The following ZNF804A variants were observed in gnomAD, a reference collection of about 807,000 sequenced individuals.
ZNF804A encodes zinc finger protein 804A.
A neutral mutation model predicts 16.5 loss-of-function variants in ZNF804A; 2 were observed. The ratio of observed to expected loss-of-function variants is 0.12; its 90% CI spans 0.05 to 0.38. The LOEUF is 0.38. Among genes scored for constraint, ZNF804A ranks in the 10% least tolerant of loss-of-function variants. ZNF804A has a pLI of 0.99. For missense variants in ZNF804A, 1,473 were observed against 1,390.7 expected, an observed-to-expected ratio of 1.06 and a Z score of -0.94; for synonymous variants, 534 against 489.6, an observed-to-expected ratio of 1.09 and a Z score of -1.20.
At chr2:184,902,963 T>C (rs1001873149) in intron 2 of ZNF804A, among the ~76,000 whole-genome samples, 8 of 152,172 alleles carry the variant, frequency 5.3e-5, no homozygotes, top group African/African-American at 1.9e-4. Context: ...AAAAAGACTA[T>C]ACCTTAGGTG....
In ZNF804A at chr2:184,862,172, T is replaced by A. The variant is rs566840489; in HGVS notation, c.112-4197T>A. The stretch of plus-strand genomic sequence containing the variant: ...GCTCCTTTTTCATCTCACTCAAATG[T>A]ATCTCTTACTTTCTGCAGTGGGATG... On this transcript the variant is annotated intron_variant, in intron 1 of 3. Coordinates refer to ENST00000302277, the MANE Select transcript of ZNF804A (RefSeq NM_194250.2). Among the ~76,000 whole-genome samples, 6 of 152,288 alleles carry A rather than the reference T, an allele frequency of 3.9e-5. No individual in the cohort carries two copies. In the South Asian group the frequency reaches 1.2e-3, roughly 32 times the overall value.
At position 184,936,599 on chromosome 2, in the gene ZNF804A, T is replaced by G. The variant is rs1317121848; in HGVS notation, c.1203T>G (p.Pro401=). ...AAAATGGTCCCGAGACATTGGCCCC[T>G]TCAAATACTGAAGAGGTTAACATAA... ...ENKNGPETLA[P]SNTEEVNITI... is the part of the protein sequence containing the mutation. Residue 401 remains proline (P), a synonymous_variant, in exon 4 of 4, where the codon CCT becomes CCG. Coordinates refer to ENST00000302277, the MANE Select transcript of ZNF804A (RefSeq NM_194250.2). 1 of 1,614,052 alleles carries G rather than the reference T, an allele frequency of 6.2e-7. No individual in the cohort carries two copies. Among genetic ancestry groups the G allele is most frequent in the South Asian group, 1.1e-5 (1 of 91,084 alleles).
At chr2:184,665,694 G>C (rs1692244832) in intron 1 of ZNF804A, among the ~76,000 whole-genome samples, 1 of 152,138 alleles carries the variant, frequency 6.6e-6, no homozygotes, top group African/African-American at 2.4e-5. Context: ...TTAGTTTGTT[G>C]GCTGAATGCA....
At chr2:184,728,764 A>T (rs1693464135) in intron 1 of ZNF804A, among the ~76,000 whole-genome samples, 1 of 151,962 alleles carries the variant, frequency 6.6e-6, no homozygotes, top group Admixed American at 6.6e-5. Context: ...TTAAGAAAAA[A>T]AATAATAACA....
chr2:184,646,595 A>T (rs1691878599), intron 1 of ZNF804A, among the ~76,000 whole-genome samples: 2 of 152,178 alleles, frequency 1.3e-5, no homozygotes, highest in Admixed American at 1.3e-4. Context: ...CTGCTCACTT[A>T]GATCAGCAGC....
rs10182733 is a variant in ZNF804A at position 184,694,761 on chromosome 2, T to A, written c.111+95691T>A. ...TCTAAAATAATATTCATTTATTTCC[T>A]GAAATTCAGATTAATCTCAGAGTTC... On this transcript the variant is annotated intron_variant, in intron 1 of 3. Coordinates refer to ENST00000302277, the MANE Select transcript of ZNF804A (RefSeq NM_194250.2). Among the ~76,000 whole-genome samples the A allele has an allele frequency of 2.7e-3, 410 of 152,322 alleles. 2 individuals carry two copies. The highest frequency in any genetic ancestry group is 8.4e-3 in the African/African-American group (350 of 41,576).
chr2:184,674,895 G>A (rs2105714951), intron 1 of ZNF804A, among the ~76,000 whole-genome samples: 2 of 151,850 alleles, frequency 1.3e-5, no homozygotes, highest in South Asian at 4.2e-4. Context: ...AAAAGAAACA[G>A]TCTTATAAAT....
intron 1 of ZNF804A, among the ~76,000 whole-genome samples, chr2:184,768,895 C>T (rs1176126961): frequency 6.6e-6 from 1 of 151,748 alleles, no homozygotes; most frequent in Admixed American, 6.6e-5. Flanking sequence ...ATAAATGTAC[C>T]CTTTAGTCGA....
At chr2:184,676,795 G>C (rs1401707006) in intron 1 of ZNF804A, among the ~76,000 whole-genome samples, 1 of 151,756 alleles carries the variant, frequency 6.6e-6, no homozygotes, top group Non-Finnish European at 1.5e-5. Flanking sequence ...CCACACTGTA[G>C]TGTTCTATGA....
chr2:184,626,181 AT>A, intron 1 of ZNF804A, among the ~76,000 whole-genome samples: 1 of 152,124 alleles, frequency 6.6e-6, no homozygotes, highest in East Asian at 1.9e-4. Flanking sequence ...ATTTCTTAAT[AT>A]ATAATACTTC....
At chr2:184,675,045 T>G (rs1692399251) in intron 1 of ZNF804A, among the ~76,000 whole-genome samples, 1 of 151,810 alleles carries the variant, frequency 6.6e-6, no homozygotes, top group African/African-American at 2.4e-5. Context: ...TGCGTGAACA[T>G]GGCTGTACAT....
At chr2:184,706,730 G>T (rs1169196797) in intron 1 of ZNF804A, among the ~76,000 whole-genome samples, 1 of 152,106 alleles carries the variant, frequency 6.6e-6, no homozygotes, top group Non-Finnish European at 1.5e-5. Flanking sequence ...TAATAGTTTT[G>T]ATTGCACTCT....
At chr2:184,674,647 G>A (rs968492969) in intron 1 of ZNF804A, among the ~76,000 whole-genome samples, 6 of 151,770 alleles carry the variant, frequency 4.0e-5, no homozygotes, top group Admixed American at 2.0e-4. Context: ...AAAACAGTAG[G>A]ATGGGATGGG....
intron 1 of ZNF804A, among the ~76,000 whole-genome samples, chr2:184,676,441 A>G (rs1692437638): frequency 6.6e-6 from 1 of 151,768 alleles, no homozygotes; most frequent in Non-Finnish European, 1.5e-5. Flanking sequence ...AGTTTAACAT[A>G]TTATCAAGGT....
At chr2:184,644,352 G>T (rs935570273) in intron 1 of ZNF804A, among the ~76,000 whole-genome samples, 1 of 151,582 alleles carries the variant, frequency 6.6e-6, no homozygotes, top group African/African-American at 2.4e-5. Flanking sequence ...AACAATATTT[G>T]TGTGGCTATT....
intron 1 of ZNF804A, among the ~76,000 whole-genome samples, chr2:184,672,214 C>A (rs1416161756): frequency 1.3e-5 from 2 of 152,164 alleles, no homozygotes; most frequent in Non-Finnish European, 2.9e-5. Context: ...TTTGTACTAT[C>A]TTTGCTTATT....
At chr2:184,763,708 T>A (rs1694075706) in intron 1 of ZNF804A, among the ~76,000 whole-genome samples, 1 of 146,240 alleles carries the variant, frequency 6.8e-6, no homozygotes, top group South Asian at 2.3e-4. Context: ...AGTGGCATGA[T>A]CTTGGCTCAC....
intron 1 of ZNF804A, among the ~76,000 whole-genome samples, chr2:184,828,536 A>G (rs1463062439): frequency 1.3e-5 from 2 of 151,576 alleles, no homozygotes; most frequent in Non-Finnish European, 3.0e-5. Flanking sequence ...AAAAAAGATT[A>G]TATACCTTCC....
Position 184,936,528 on chromosome 2 carries a change from G to A in ZNF804A, c.1132G>A (p.Glu378Lys), listed in dbSNP as rs767783310. The A allele has an allele frequency of 5.6e-6, 9 of 1,613,806 alleles. No homozygotes were observed. In the East Asian group the frequency reaches 1.6e-4, roughly 28 times the overall value. The change falls in exon 4 of 4, where the codon GAA becomes AAA. Residue 378 changes from glutamate (E) to lysine (K), a missense_variant. Coordinates refer to ENST00000302277, the MANE Select transcript of ZNF804A (RefSeq NM_194250.2). The part of the protein sequence containing the change: ...DCISVQATTE[E>K]NVKHNEASTT... The stretch of plus-strand genomic sequence containing the variant: ...CATATCTGTGCAAGCTACCACAGAG[G>A]AAAATGTTAAGCATAACGAGGCATC...
Sources: gnomAD v4.1 joint callset for allele counts (sites outside exome capture counted in the v4.1 genomes callset) on GRCh38, gnomAD v4.1.1 for gene constraint, MANE v1.5 for transcripts, NCBI Gene and HGNC (gene_info 2026-07-23, HGNC 2026-07-21) for gene names.